The following USP36 variants were observed in gnomAD, a reference collection of about 807,000 sequenced individuals.
USP36 encodes the protein ubiquitin carboxyl-terminal hydrolase 36.
Under a neutral mutation model 111.5 loss-of-function variants are expected in USP36, and 59 were observed. The observed-to-expected ratio is 0.53, with a 90% CI of 0.43 to 0.66. USP36 has a LOEUF of 0.66. Among genes scored for constraint, USP36 ranks in the 30% least tolerant of loss-of-function variants. The pLI, the probability that USP36 is intolerant of heterozygous loss-of-function variation, is 0.00. For missense variants in USP36, 1,488 were observed against 1,468.0 expected, an observed-to-expected ratio of 1.01 and a Z score of -0.22; for synonymous variants, 628 against 581.0, an observed-to-expected ratio of 1.08 and a Z score of -1.16.
rs187688071 is a variant in USP36 at position 78,827,019 on chromosome 17, C to A, written c.689+226G>T. 643 of 674,552 alleles carry A rather than the reference C, an allele frequency of 9.5e-4. 2 individuals carry two copies. The highest frequency in any genetic ancestry group is 5.2e-3 in the Middle Eastern group (19 of 3,668). The allele number at this position is 674,552 out of a possible 1,614,324, so 41.8% of individuals were successfully genotyped here. ...AGCCACCCGATCCTACCAAGCCGCC[C>A]CGGACCAGCAGGACGTCTCCGGAGA... On this transcript the variant is annotated intron_variant, in intron 6 of 20. Transcript: ENST00000449938.
chr17:78,805,936 C>T (rs777349247), intron 15 of USP36, among the ~76,000 whole-genome samples: 1 of 152,250 alleles, frequency 6.6e-6, no homozygotes, highest in Non-Finnish European at 1.5e-5. Context: ...GACATCAGGA[C>T]TGCAGAGGCC....
chr17:78,828,882 TG>T lies in USP36; in HGVS notation c.586+14del. On this transcript the variant is annotated intron_variant, in intron 5 of 20. Transcript: ENST00000449938. ...TAAATAAATCACAAAAATTTTAACATGGATTGATGCTTACTTTTCAGGTCTC... is the reference window on the plus strand; with the variant it reads ...TAAATAAATCACAAAAATTTTAACATGATTGATGCTTACTTTTCAGGTCTC... 6.2e-7 allele frequency: 1 copy of T among 1,608,882 alleles called. No individual in the cohort carries two copies. The highest frequency in any genetic ancestry group is 8.5e-7 in the Non-Finnish European group (1 of 1,178,168).
chr17:78,820,990 C>T lies in USP36; in HGVS notation c.828+1G>A, dbSNP rs1399509476. 2 of 1,607,354 alleles carry T rather than the reference C, an allele frequency of 1.2e-6. No homozygotes were observed. The highest frequency in any genetic ancestry group is 1.7e-6 in the Non-Finnish European group (2 of 1,176,866). On this transcript the variant is annotated splice_donor_variant, in intron 8 of 20. Transcript: ENST00000449938. LOFTEE classifies it high-confidence loss of function. ...AAGTGAAGGGCAGGACAGATCTGTACCCGGATCTCCAGCGCGACGTCCAAG... is the reference window on the plus strand; with the variant it reads ...AAGTGAAGGGCAGGACAGATCTGTATCCGGATCTCCAGCGCGACGTCCAAG...
rs574678528 is a variant in USP36, at chr17:78,798,730, G to A, written c.3240+178C>T. Among the ~76,000 whole-genome samples the A allele has an allele frequency of 1.2e-3, 181 of 152,300 alleles. 1 individual carries two copies. The highest frequency in any genetic ancestry group is 4.0e-3 in the African/African-American group (167 of 41,570). ...GCAGTCCCCCTATTGACAAAGGGGC[G>A]GAAGCTGCGAGGATGCATGCCCTGT... On this transcript the variant is annotated intron_variant, in intron 19 of 20. Coordinates refer to ENST00000449938, the MANE Select transcript of USP36 (RefSeq NM_001385174.1). This position sits in a 1 kb window ranked among gnomAD's most constrained non-coding sequence, Gnocchi z 5.1.
chr17:78,840,409 G>A (rs2069166570), intron 1 of USP36: 1 of 152,354 alleles, frequency 6.6e-6, no homozygotes, highest in African/African-American at 2.4e-5. Flanking sequence ...CCTCTCCGAA[G>A]TTGACCTGAA....
chr17:78,791,435 A>G (rs74001242), downstream of USP36, among the ~76,000 whole-genome samples: 103 of 152,292 alleles, frequency 6.8e-4, no homozygotes, highest in African/African-American at 2.4e-3. Context: ...TTCTTTTTAT[A>G]GGAAGTCATG....
rs891548798 is a variant in USP36, at chr17:78,803,020, C to T, written c.2810+365G>A. On this transcript the variant is annotated intron_variant, in intron 16 of 20. Coordinates refer to ENST00000449938, the MANE Select transcript of USP36 (RefSeq NM_001385174.1). The surrounding 1 kb of genome is among the most constrained non-coding windows in gnomAD (Gnocchi z 4.6). ...GTGACGCGATCTCAGCTCACTGCAA[C>T]CTCCACCTCCTGGGCTCAAACCATC... Among the ~76,000 whole-genome samples, 5 of 152,126 alleles carry T rather than the reference C, an allele frequency of 3.3e-5. No homozygotes were observed. Among genetic ancestry groups the T allele is most frequent in the African/African-American group, 4.8e-5 (2 of 41,410 alleles).
intron 13 of USP36, among the ~76,000 whole-genome samples, chr17:78,811,591 C>T (rs947126840): frequency 1.3e-5 from 2 of 152,082 alleles, no homozygotes; most frequent in Admixed American, 6.6e-5. Flanking sequence ...GAGAACAGGC[C>T]GGGCACAGTG....
intron 10 of USP36, among the ~76,000 whole-genome samples, chr17:78,817,565 G>A (rs2094217075): frequency 6.6e-6 from 1 of 151,976 alleles, no homozygotes. Context: ...GACCAGCCTG[G>A]CCACCATGGC....
chr17:78,819,828 C>A (rs750615979), intron 9 of USP36, 102 bp downstream of exon 9: 2 of 1,190,556 alleles, frequency 1.7e-6, no homozygotes, highest in East Asian at 2.3e-5. Flanking sequence ...ATGCGAGCAG[C>A]GGTCACCGCT....
chr17:78,812,586 A>T (rs1392044691), intron 13 of USP36, among the ~76,000 whole-genome samples: 1 of 148,446 alleles, frequency 6.7e-6, no homozygotes, highest in Non-Finnish European at 1.5e-5. Context: ...GCTACTAGGG[A>T]GGCTGAGGCA....
intron 18 of USP36, 116 bp downstream of exon 18, chr17:78,799,551 A>T: frequency 1.1e-6 from 1 of 893,748 alleles, no homozygotes; most frequent in Non-Finnish European, 1.8e-6. Context: ...CCATTCTCAA[A>T]GCCGAGCGAT....
intron 6 of USP36, among the ~76,000 whole-genome samples, chr17:78,824,452 G>A (rs1011900190): frequency 6.6e-6 from 1 of 152,178 alleles, no homozygotes; most frequent in African/African-American, 2.4e-5. Flanking sequence ...TACTGGGCAG[G>A]AGGATTGCTT....
chr17:78,833,277 T>C (rs533155832), intron 4 of USP36, among the ~76,000 whole-genome samples: 9 of 152,250 alleles, frequency 5.9e-5, no homozygotes, highest in African/African-American at 2.2e-4. Context: ...GGCCATCTTG[T>C]GTTCTTTTTT....
chr17:78,827,918 A>G (rs2067722644), intron 5 of USP36, among the ~76,000 whole-genome samples: 2 of 152,138 alleles, frequency 1.3e-5, no homozygotes, highest in Admixed American at 1.3e-4. Flanking sequence ...CTCAGAAAGA[A>G]AAAGAATAAA....
intron 6 of USP36, among the ~76,000 whole-genome samples, chr17:78,826,222 A>G (rs539269234): frequency 6.6e-5 from 10 of 152,224 alleles, no homozygotes; most frequent in South Asian, 2.1e-4. Flanking sequence ...TTGCCTTCAT[A>G]TAAGTGATTT....
At chr17:78,820,881 G>T in intron 8 of USP36, 110 bp downstream of exon 8, 2 of 1,206,526 alleles carry the variant, frequency 1.7e-6, no homozygotes. Context: ...GAGCAAAGGA[G>T]TTTTCTCCCT....
At chr17:78,817,812 G>C (rs2094223144) in intron 10 of USP36, among the ~76,000 whole-genome samples, 1 of 152,100 alleles carries the variant, frequency 6.6e-6, no homozygotes, top group Non-Finnish European at 1.5e-5. Flanking sequence ...CAGGTATGGT[G>C]GCTCACACCT....
chr17:78,836,337 C>T lies in USP36; in HGVS notation c.27G>A (p.Glu9=). 1.2e-6 allele frequency: 2 copies of T among 1,614,124 alleles called. No homozygotes were observed. The highest frequency in any genetic ancestry group is 8.5e-7 in the Non-Finnish European group (1 of 1,180,022). The change falls in exon 3 of 21, where the codon GAG becomes GAA. Residue 9 remains glutamate, a synonymous_variant. Transcript: ENST00000449938. ...AGTCCTTGCGGCCGGGTTTCAGGGC[C>T]TCCTTCAACTTATCCACTATTGGCA... MPIVDKLK[E]ALKPGRKDSA...
Sources: allele counts gnomAD v4.1 joint callset (sites outside exome capture counted in the v4.1 genomes callset), GRCh38; gene constraint gnomAD v4.1.1; non-coding constraint Gnocchi (gnomAD v3.1); transcripts MANE v1.5; gene names NCBI Gene and HGNC (gene_info 2026-07-23, HGNC 2026-07-21).